The following CDH13 variants were observed in gnomAD, a reference collection of about 807,000 sequenced individuals.
CDH13 encodes cadherin 13, also known as cadherin-13.
In CDH13, 24 loss-of-function variants were observed where a neutral mutation model predicts 63.8. That is an observed-to-expected ratio of 0.38 (90% confidence interval 0.27 to 0.53). The LOEUF is 0.53. CDH13 is among the 20% of genes least tolerant of loss of function. CDH13 has a pLI of 0.85. For synonymous variants in CDH13, 503 were observed against 355.3 expected (o/e 1.42, Z -4.67); for missense variants, 1,049 against 903.1 (o/e 1.16, Z -2.07).
chr16:82,980,184 C>T (rs183938470), intron 2 of CDH13, among the ~76,000 whole-genome samples: 6 of 152,246 alleles, frequency 3.9e-5, no homozygotes, highest in South Asian at 2.1e-4. Context: ...GGCCACCTGA[C>T]GTGTCTGAGA....
chr16:83,570,863 T>C (rs911389077), intron 7 of CDH13, among the ~76,000 whole-genome samples: 2 of 138,146 alleles, frequency 1.4e-5, no homozygotes, highest in East Asian at 2.0e-4. Context: ...AATATAAATA[T>C]ATTTATATAT....
chr16:83,523,101 C>T (rs2074878793), intron 7 of CDH13, among the ~76,000 whole-genome samples: 1 of 152,190 alleles, frequency 6.6e-6, no homozygotes, highest in Non-Finnish European at 1.5e-5. Flanking sequence ...CTCTGGTACC[C>T]CTTTTATAGG....
intron 4 of CDH13, among the ~76,000 whole-genome samples, chr16:83,159,544 G>A (rs2037356488): frequency 6.6e-6 from 1 of 152,118 alleles, no homozygotes; most frequent in African/African-American, 2.4e-5. Context: ...GAACATTGAT[G>A]CCTAAACCTC....
chr16:83,034,948 G>C (rs1389271287), intron 3 of CDH13, among the ~76,000 whole-genome samples: 1 of 152,094 alleles, frequency 6.6e-6, no homozygotes, highest in East Asian at 1.9e-4. Flanking sequence ...TCTTATAAAG[G>C]GGGCGGAGGC....
chr16:83,440,233 T>G (rs1318403680), intron 6 of CDH13, among the ~76,000 whole-genome samples: 1 of 152,188 alleles, frequency 6.6e-6, no homozygotes, highest in Non-Finnish European at 1.5e-5. Context: ...GTAGACAGGC[T>G]TAGGACACGG....
At chr16:83,384,750 T>G (rs933801164) in intron 6 of CDH13, among the ~76,000 whole-genome samples, 1 of 152,228 alleles carries the variant, frequency 6.6e-6, no homozygotes, top group African/African-American at 2.4e-5. Flanking sequence ...GGACTAATGA[T>G]GAATCTTTCC....
chr16:83,749,051 A>T (rs1912853617), intron 11 of CDH13, among the ~76,000 whole-genome samples: 1 of 152,200 alleles, frequency 6.6e-6, no homozygotes. Context: ...CCGTTAACTG[A>T]GATGAGGGGA....
intron 7 of CDH13, among the ~76,000 whole-genome samples, chr16:83,586,858 G>GA (rs1395871491): frequency 2.0e-5 from 3 of 152,146 alleles, no homozygotes; most frequent in Non-Finnish European, 4.4e-5. Context: ...AACAGCTGTG[G>GA]TGTAACTGGA....
intron 10 of CDH13, among the ~76,000 whole-genome samples, chr16:83,700,878 C>A (rs529756829): frequency 6.6e-6 from 1 of 152,034 alleles, no homozygotes; most frequent in African/African-American, 2.4e-5. Context: ...TCCTGGGGAG[C>A]TGAGTTGTGT....
chr16:83,512,974 G>T (rs1304202365), intron 7 of CDH13, among the ~76,000 whole-genome samples: 2 of 151,754 alleles, frequency 1.3e-5, no homozygotes, highest in African/African-American at 4.8e-5. Flanking sequence ...CCTGGTCCTG[G>T]GCAGTCAGCT....
intron 2 of CDH13, among the ~76,000 whole-genome samples, chr16:82,927,155 AGGT>A (rs1209663890): frequency 1.3e-5 from 2 of 152,116 alleles, no homozygotes; most frequent in Admixed American, 1.3e-4. Flanking sequence ...ACAGGATGGT[AGGT>A]GGTGCCAAGA....
intron 4 of CDH13, among the ~76,000 whole-genome samples, chr16:83,145,224 G>C (rs1391643353): frequency 6.6e-6 from 1 of 152,154 alleles, no homozygotes; most frequent in African/African-American, 2.4e-5. Context: ...CGCCACCTTG[G>C]TCGCTGACAA....
chr16:83,481,087 C>T (rs17758635), intron 6 of CDH13, among the ~76,000 whole-genome samples: 17,721 of 152,228 alleles, frequency 0.12, 1,121 homozygotes, highest in African/African-American at 0.13. Context: ...TGCTTGACAA[C>T]GATGTGCCAT....
intron 11 of CDH13, among the ~76,000 whole-genome samples, chr16:83,772,202 G>A (rs1037883279): frequency 2.0e-5 from 3 of 151,826 alleles, no homozygotes; most frequent in South Asian, 2.1e-4. Context: ...GAGAAAGGAG[G>A]GAGCCATACT....
intron 6 of CDH13, among the ~76,000 whole-genome samples, chr16:83,426,182 C>G (rs998948127): frequency 1.3e-5 from 2 of 152,118 alleles, no homozygotes; most frequent in African/African-American, 4.8e-5. Flanking sequence ...ATTAATCACA[C>G]TATGTTCACT....
chr16:83,402,720 G>A (rs889121381), intron 6 of CDH13, among the ~76,000 whole-genome samples: 2 of 152,186 alleles, frequency 1.3e-5, no homozygotes, highest in Non-Finnish European at 2.9e-5. Context: ...CAACACTCAG[G>A]AATCTGGCAG....
chr16:83,717,650 A>G (rs770938013), intron 10 of CDH13, among the ~76,000 whole-genome samples: 15 of 152,212 alleles, frequency 9.9e-5, no homozygotes, highest in Non-Finnish European at 2.1e-4. Flanking sequence ...CACTGCCTCA[A>G]TTTCCTTACC....
chr16:82,629,726 C>G (rs1341991934), intron 1 of CDH13, among the ~76,000 whole-genome samples: 1 of 152,182 alleles, frequency 6.6e-6, no homozygotes, highest in Non-Finnish European at 1.5e-5. Flanking sequence ...GTGAGGAATT[C>G]TAAGCAACAA....
intron 1 of CDH13, chr16:82,825,329 A>C (rs942086979): frequency 1.3e-5 from 2 of 152,118 alleles, no homozygotes; most frequent in African/African-American, 2.4e-5. Flanking sequence ...TCACAACCCG[A>C]ATTCACCAGG....
Sources: allele counts gnomAD v4.1 joint callset (sites outside exome capture counted in the v4.1 genomes callset), GRCh38; gene constraint gnomAD v4.1.1; transcripts MANE v1.5; gene names NCBI Gene and HGNC (gene_info 2026-07-23, HGNC 2026-07-21).